Variants in DLEC1 observed in about 807,000 individuals in gnomAD.
DLEC1 encodes the protein deleted in lung and esophageal cancer protein 1.
Under a neutral mutation model 198.1 loss-of-function variants are expected in DLEC1, and 146 were observed. The ratio of observed to expected loss-of-function variants is 0.74; its 90% CI spans 0.64 to 0.85. The LOEUF is 0.85. Among genes scored for constraint, DLEC1 ranks in the 40% least tolerant of loss-of-function variants. The pLI is 0.00. For missense variants in DLEC1, 2,233 were observed against 2,220.0 expected, an observed-to-expected ratio of 1.01 and a Z score of -0.12; for synonymous variants, 897 against 866.8, an observed-to-expected ratio of 1.03 and a Z score of -0.61.
chr3:38,096,008 TCTC>T (rs1265931053), intron 14 of DLEC1, 62 bp downstream of exon 14: 1 of 1,582,364 alleles, frequency 6.3e-7, no homozygotes, highest in Non-Finnish European at 8.7e-7. Context: ...CCTTGGGGGT[TCTC>T]CTGGGGAAGG....
chr3:38,086,497 ACT>A lies in DLEC1; in HGVS notation c.1572+125_1572+126del, dbSNP rs1252677742. On this transcript the variant is annotated intron_variant, in intron 9 of 36. Coordinates refer to ENST00000308059, the MANE Select transcript of DLEC1 (RefSeq NM_007335.4). ...ACACACAGAACGCAGAGTGTTGTAA[ACT>A]CTCTATGCAACTGCCACAACCCGAA... is the stretch of plus-strand genomic sequence containing the variant. 14 of 1,357,550 alleles carry A rather than the reference ACT, an allele frequency of 1.0e-5. No homozygotes were observed. In the East Asian group the frequency reaches 1.4e-4, roughly 14 times the overall value. The allele number at this position is 1,357,550 out of a possible 1,614,324, so 84.1% of individuals were successfully genotyped here. A position where few individuals can be genotyped will look rare whatever the true frequency, so the allele number is the denominator to read the frequency against.
At chr3:38,078,138 G>A (rs1697738965) in intron 6 of DLEC1, among the ~76,000 whole-genome samples, 1 of 152,096 alleles carries the variant, frequency 6.6e-6, no homozygotes, top group Non-Finnish European at 1.5e-5. Context: ...TGTGTTATCA[G>A]GAATAATGTG....
intron 3 of DLEC1, 77 bp downstream of exon 3, chr3:38,059,929 G>A: frequency 8.4e-7 from 1 of 1,194,658 alleles, no homozygotes; most frequent in African/African-American, 1.5e-5. Flanking sequence ...CACCTCTGCT[G>A]CCATTTCCTT....
chr3:38,122,639 T>A lies in DLEC1; in HGVS notation c.*227T>A. Reference sequence around the variant, plus strand: ...CCACACCACAGCAGAGACCACCACATTGAGATCACTACTCAGTGCATAGCG... The same window carrying A: ...CCACACCACAGCAGAGACCACCACAATGAGATCACTACTCAGTGCATAGCG... On this transcript the variant is annotated 3_prime_UTR_variant, in exon 37 of 37. Transcript: ENST00000308059. 6.7e-7 allele frequency: 1 copy of A among 1,501,132 alleles called. No homozygotes were observed. The highest frequency in any genetic ancestry group is 1.3e-5 in the South Asian group (1 of 76,356). The allele number at this position is 1,501,132 out of a possible 1,614,324, so 93.0% of individuals were successfully genotyped here.
At chr3:38,116,304 G>C in intron 27 of DLEC1, 149 bp from the exon 28 acceptor site, 1 of 696,676 alleles carries the variant, frequency 1.4e-6, no homozygotes, top group Admixed American at 2.8e-5. Context: ...GAATTGCCTG[G>C]AAGTGGCATT....
At position 38,122,504 on chromosome 3, in the gene DLEC1, TTGGGGACC is replaced by T. The variant is rs748584144; in HGVS notation, c.*102_*109del. On this transcript the variant is annotated 3_prime_UTR_variant, in exon 37 of 37. Transcript: ENST00000308059. ...AGCTCTTCAGCACAAAGACACAGAC[TTGGGGACC>T]TGGGGACCTCTGGGCAGCTCCTGGA... 2 of 1,612,662 alleles carry T rather than the reference TTGGGGACC, an allele frequency of 1.2e-6. No homozygotes were observed. The highest frequency in any genetic ancestry group is 3.3e-5 in the Admixed American group (2 of 59,992).
At chr3:38,086,424 A>G in intron 9 of DLEC1, 47 bp downstream of exon 9, 1 of 1,571,254 alleles carries the variant, frequency 6.4e-7, no homozygotes. Context: ...AGTCCATCAA[A>G]GGAAATAACC....
chr3:38,044,162 C>T (rs1036674090), intron 1 of DLEC1, among the ~76,000 whole-genome samples: 2 of 151,980 alleles, frequency 1.3e-5, no homozygotes, highest in Non-Finnish European at 2.9e-5. Context: ...AGGAGGATCC[C>T]TTGACCCCAG....
chr3:38,116,684 A>C (rs1342305172), intron 28 of DLEC1, 26 bp downstream of exon 28: 2 of 1,612,716 alleles, frequency 1.2e-6, no homozygotes, highest in South Asian at 2.2e-5. Context: ...GGGGCGGGGC[A>C]GGCTGGCCAC....
At position 38,084,179 on chromosome 3, in the gene DLEC1, A is replaced by G; in HGVS notation, c.1195A>G (p.Thr399Ala). The change falls in exon 7 of 37, where the codon ACC becomes GCC. Residue 399 changes from threonine (T) to alanine (A), a missense_variant. Thr to Ala is a moderately conservative substitution (Grantham distance 58, BLOSUM62 0). Coordinates refer to ENST00000308059, the MANE Select transcript of DLEC1 (RefSeq NM_007335.4). Reference protein sequence around the residue: ...VYEMVIALQNTTTTSRYLRVL... With the variant: ...VYEMVIALQNATTTSRYLRVL... The stretch of plus-strand genomic sequence containing the variant: ...ACAGATGGTAATTGCGCTGCAGAAC[A>G]CCACCACGACCAGCCGCTACCTGCG... The G allele has an allele frequency of 1.2e-6, 2 of 1,613,120 alleles. No homozygotes were observed. Among genetic ancestry groups the G allele is most frequent in the Non-Finnish European group, 1.7e-6 (2 of 1,179,386 alleles).
chr3:38,076,662 G>A (rs1697640514), intron 6 of DLEC1, among the ~76,000 whole-genome samples: 1 of 152,228 alleles, frequency 6.6e-6, no homozygotes, highest in Non-Finnish European at 1.5e-5. Flanking sequence ...TGATTCTTCA[G>A]TTACTTCAGG....
intron 33 of DLEC1, 72 bp from the exon 34 acceptor site, chr3:38,120,376 T>C (rs1030047810): frequency 1.3e-6 from 2 of 1,561,710 alleles, no homozygotes; most frequent in African/African-American, 1.4e-5. Context: ...GAAAGGAGGA[T>C]GGAGCTCCAG....
chr3:38,122,672 G>A lies in DLEC1; in HGVS notation c.*260G>A, dbSNP rs1252174081. On this transcript the variant is annotated 3_prime_UTR_variant, in exon 37 of 37. Transcript: ENST00000308059. ...ACTACTCAGTGCATAGCGAAGACCA[G>A]TATGGCAAAATTAGTCTTGGAAAAA... The A allele has an allele frequency of 2.8e-6, 4 of 1,432,410 alleles. No individual in the cohort carries two copies. The African/African-American group carries it at 4.3e-5, about 15-fold the overall frequency. The allele number at this position is 1,432,410 out of a possible 1,614,324, so 88.7% of individuals were successfully genotyped here.
intron 6 of DLEC1, among the ~76,000 whole-genome samples, chr3:38,080,808 T>TA (rs1451427144): frequency 2.7e-5 from 4 of 147,780 alleles, no homozygotes; most frequent in African/African-American, 9.9e-5. Flanking sequence ...TGTTCTTTTT[T>TA]TTTTTTTTTT....
At chr3:38,086,412 C>A in intron 9 of DLEC1, 35 bp downstream of exon 9, 1 of 1,576,040 alleles carries the variant, frequency 6.3e-7, no homozygotes, top group Non-Finnish European at 8.6e-7. Flanking sequence ...GGAAAAATTA[C>A]AAGTCCATCA....
chr3:38,097,937 C>G (rs753400646), intron 18 of DLEC1, 35 bp downstream of exon 18: 2 of 1,613,074 alleles, frequency 1.2e-6, no homozygotes, highest in Middle Eastern at 1.7e-4. Flanking sequence ...CTGGTGCCCC[C>G]ACAATGAGCC....
chr3:38,068,303 C>G (rs1057251571), intron 6 of DLEC1, among the ~76,000 whole-genome samples: 5 of 151,980 alleles, frequency 3.3e-5, no homozygotes, highest in Non-Finnish European at 7.4e-5. Flanking sequence ...GATCTTGGCT[C>G]ACTGCAACCT....
intron 6 of DLEC1, among the ~76,000 whole-genome samples, chr3:38,066,364 C>G (rs2125624610): frequency 6.6e-6 from 1 of 152,344 alleles, no homozygotes; most frequent in Admixed American, 6.5e-5. Flanking sequence ...AACTTTCCCT[C>G]TAACTTTGAT....
rs754242819 is a variant in DLEC1 at position 38,116,854 on chromosome 3, T to C, written c.4144T>C (p.Ser1382Pro). The C allele has an allele frequency of 2.5e-6, 4 of 1,613,654 alleles. No homozygotes were observed. In the South Asian group the frequency reaches 3.3e-5, roughly 13 times the overall value. The change falls in exon 29 of 37, where the codon TCC becomes CCC. Residue 1382 changes from serine to proline, a missense_variant. By Grantham distance (74) the Ser-to-Pro change is moderately conservative (BLOSUM62 -1). Coordinates refer to ENST00000308059, the MANE Select transcript of DLEC1 (RefSeq NM_007335.4). ...VILQAHEGVP[S>P]GHLYCISPKQ... ...CCTGCAGGCACATGAGGGGGTGCCC[T>C]CCGGCCACCTGTACTGTATCAGCCC...
Sources: gnomAD v4.1 joint callset for allele counts (sites outside exome capture counted in the v4.1 genomes callset) on GRCh38, gnomAD v4.1.1 for gene constraint, MANE v1.5 for transcripts, NCBI Gene and HGNC (gene_info 2026-07-23, HGNC 2026-07-21) for gene names.